The following MBNL1 variants were observed in gnomAD, a reference collection of about 807,000 sequenced individuals.
MBNL1 encodes muscleblind like splicing regulator 1, also known as muscleblind-like protein 1.
Under a neutral mutation model 42.2 loss-of-function variants are expected in MBNL1, and 8 were observed. The ratio of observed to expected loss-of-function variants is 0.19; its 90% CI spans 0.11 to 0.34. MBNL1 has a LOEUF of 0.34. Ranked by LOEUF, MBNL1 falls within the 10% of genes least tolerant of loss-of-function variation. MBNL1 has a pLI of 1.00. For missense variants in MBNL1, 309 were observed against 495.3 expected (o/e 0.62, Z 3.57); for synonymous variants, 169 against 173.9 (o/e 0.97, Z 0.22).
chr3:152,358,356 G>A (rs1311755178), intron 2 of MBNL1, among the ~76,000 whole-genome samples: 1 of 152,018 alleles, frequency 6.6e-6, no homozygotes, highest in Non-Finnish European at 1.5e-5. Context: ...GATAGTGATG[G>A]TAATGTTAAA....
intron 4 of MBNL1, among the ~76,000 whole-genome samples, chr3:152,437,407 C>T (rs2099093220): frequency 6.6e-6 from 1 of 152,114 alleles, no homozygotes; most frequent in Non-Finnish European, 1.5e-5. Context: ...AATTGGAAAA[C>T]AGGAATTCAA....
At chr3:152,256,053 G>T (rs2035404286) in intron 2 of MBNL1, among the ~76,000 whole-genome samples, 1 of 152,172 alleles carries the variant, frequency 6.6e-6, no homozygotes, top group Non-Finnish European at 1.5e-5. Flanking sequence ...CATTTGCAAG[G>T]ACGTGCACGT....
At chr3:152,298,289 A>T (rs1250505729) in intron 1 of MBNL1, among the ~76,000 whole-genome samples, 3 of 152,206 alleles carry the variant, frequency 2.0e-5, no homozygotes, top group Non-Finnish European at 4.4e-5. Flanking sequence ...CATTCAAACA[A>T]AAAATAAAGA....
chr3:152,354,031 G>A (rs10513425), intron 2 of MBNL1, among the ~76,000 whole-genome samples: 15,092 of 149,236 alleles, frequency 0.1, 793 homozygotes, highest in Middle Eastern at 0.16. Context: ...AGTAGACAAA[G>A]TTGTTGTTCA....
At chr3:152,361,545 T>C (rs2095956654) in intron 2 of MBNL1, among the ~76,000 whole-genome samples, 1 of 151,644 alleles carries the variant, frequency 6.6e-6, no homozygotes, top group South Asian at 2.1e-4. Flanking sequence ...GGGCAAATGC[T>C]AAGGGGCAAT....
At chr3:152,273,256 A>C (rs1402121950) in intron 1 of MBNL1, among the ~76,000 whole-genome samples, 1 of 152,236 alleles carries the variant, frequency 6.6e-6, no homozygotes. Context: ...AACTGTCTCT[A>C]GACATATTTT....
intron 1 of MBNL1, among the ~76,000 whole-genome samples, chr3:152,288,330 C>G (rs2053820824): frequency 1.3e-5 from 2 of 152,110 alleles, no homozygotes; most frequent in African/African-American, 2.4e-5. Flanking sequence ...GTGCATGCTG[C>G]TTCAGGGAGA....
chr3:152,353,077 AT>A (rs2095213370), intron 2 of MBNL1, among the ~76,000 whole-genome samples: 1 of 152,192 alleles, frequency 6.6e-6, no homozygotes, highest in Non-Finnish European at 1.5e-5. Flanking sequence ...GTCAGATATA[AT>A]TTTTTGTCTT....
At chr3:152,321,257 T>G (rs1439785231) in intron 2 of MBNL1, among the ~76,000 whole-genome samples, 1 of 152,074 alleles carries the variant, frequency 6.6e-6, no homozygotes, top group East Asian at 1.9e-4. Context: ...TCAGGCTCAT[T>G]AAGAGTTAGA....
intron 1 of MBNL1, among the ~76,000 whole-genome samples, chr3:152,272,529 A>C (rs758023381): frequency 2.5e-4 from 38 of 152,138 alleles, no homozygotes; most frequent in Non-Finnish European, 4.7e-4. Context: ...AATTATCTTC[A>C]AATACTTAAT....
At chr3:152,387,626 G>C (rs931324859) in intron 2 of MBNL1, among the ~76,000 whole-genome samples, 2 of 152,028 alleles carry the variant, frequency 1.3e-5, no homozygotes, top group Non-Finnish European at 2.9e-5. Flanking sequence ...TCCTTACTGT[G>C]TTTTTGGATT....
chr3:152,383,410 G>C (rs557282461), intron 2 of MBNL1, among the ~76,000 whole-genome samples: 2 of 152,128 alleles, frequency 1.3e-5, no homozygotes, highest in South Asian at 4.1e-4. Context: ...CCTCACCACA[G>C]TTTAAGAGCT....
chr3:152,300,147 G>T lies in MBNL1; in HGVS notation c.-47G>T. On this transcript the variant is annotated 5_prime_UTR_variant, in exon 2 of 10. Transcript: ENST00000324210. ...TTGTTGCTCTTTTTTGGGGGGGTTG[G>T]GTTTGTTGGTTTCACTGAAACATTT... is the stretch of plus-strand genomic sequence containing the variant. 1.5e-6 allele frequency: 2 copies of T among 1,343,042 alleles called. No homozygotes were observed. Among genetic ancestry groups the T allele is most frequent in the East Asian group, 2.5e-5 (1 of 40,030 alleles). The allele number at this position is 1,343,042 out of a possible 1,614,324, so 83.2% of individuals were successfully genotyped here.
At chr3:152,305,811 A>G (rs887822843) in intron 2 of MBNL1, among the ~76,000 whole-genome samples, 1 of 152,246 alleles carries the variant, frequency 6.6e-6, no homozygotes, top group African/African-American at 2.4e-5. Flanking sequence ...ACTTATACTA[A>G]CAGCAACTAC....
chr3:152,249,542 C>T (rs1307675844), intron 2 of MBNL1, among the ~76,000 whole-genome samples: 3 of 128,912 alleles, frequency 2.3e-5, no homozygotes, highest in African/African-American at 2.8e-5. Flanking sequence ...GAGTAGGTTG[C>T]GAAAATTTTC....
Position 152,299,501 on chromosome 3 carries a change from T to C in MBNL1, c.-693T>C. The C allele has an allele frequency of 2.6e-6, 1 of 389,868 alleles. No individual in the cohort carries two copies. The highest frequency in any genetic ancestry group is 4.5e-5 in the Admixed American group (1 of 22,422). 24.2% of individuals were successfully genotyped at this position (389,868 alleles called of 1,614,324 possible). On this transcript the variant is annotated 5_prime_UTR_variant, in exon 2 of 10. Coordinates refer to ENST00000324210, the MANE Select transcript of MBNL1 (RefSeq NM_021038.5). ...GCCTTGCTTGCTGCCAGCTAGACTG[T>C]GACGACAGCACATCCACCCTCCACC...
chr3:152,347,183 A>G (rs773478805), intron 2 of MBNL1, among the ~76,000 whole-genome samples: 40 of 152,124 alleles, frequency 2.6e-4, no homozygotes, highest in Admixed American at 4.6e-4. Context: ...ACAGCCAACT[A>G]TACTGTATTA....
intron 2 of MBNL1, among the ~76,000 whole-genome samples, chr3:152,334,874 C>T (rs764726437): frequency 5.3e-5 from 8 of 152,098 alleles, no homozygotes; most frequent in Admixed American, 3.3e-4. Flanking sequence ...TTCATCACCT[C>T]GTTTGGGGAG....
At chr3:152,392,349 T>C (rs2097758613) in intron 2 of MBNL1, among the ~76,000 whole-genome samples, 1 of 152,186 alleles carries the variant, frequency 6.6e-6, no homozygotes, top group South Asian at 2.1e-4. Context: ...AGAACTAAAA[T>C]TGATATTAAA....
Sources: gnomAD v4.1 joint callset for allele counts (sites outside exome capture counted in the v4.1 genomes callset) on GRCh38, gnomAD v4.1.1 for gene constraint, MANE v1.5 for transcripts, NCBI Gene and HGNC (gene_info 2026-07-23, HGNC 2026-07-21) for gene names.